Variants in C5 observed in about 807,000 individuals in gnomAD.
C5 encodes the protein C3 and PZP-like alpha-2-macroglobulin domain-containing protein 4.
In C5, 140 loss-of-function variants were observed where a neutral mutation model predicts 218.8. The observed-to-expected ratio is 0.64, with a 90% CI of 0.56 to 0.74. The LOEUF (loss-of-function observed/expected upper bound fraction) is 0.74, where lower values mean the gene tolerates loss of function less well. Ranked by LOEUF, C5 falls within the 30% of genes least tolerant of loss-of-function variation. C5 has a pLI of 0.00. For missense variants in C5, 1,700 were observed against 1,969.6 expected (o/e 0.86, Z 2.59); for synonymous variants, 614 against 682.3 (o/e 0.90, Z 1.56).
At chr9:120,955,372 C>T (rs956925970) in intron 39 of C5, among the ~76,000 whole-genome samples, 16 of 152,110 alleles carry the variant, frequency 1.1e-4, no homozygotes, top group Admixed American at 6.5e-5. Flanking sequence ...GGGAACCATC[C>T]GATGCTATGA....
upstream of C5, chr9:121,050,330 A>C: frequency 9.1e-7 from 1 of 1,097,226 alleles, no homozygotes. Context: ...GAATTCAGAT[A>C]ATCTGGTTAA....
chr9:121,058,506 T>C, the C5 span, among the ~76,000 whole-genome samples: 1 of 152,328 alleles, frequency 6.6e-6, no homozygotes, highest in South Asian at 2.1e-4. Context: ...TAGTGCAATC[T>C]CAGTTCACTG....
chr9:120,992,166 GA>G (rs937353096), intron 22 of C5, among the ~76,000 whole-genome samples: 2 of 152,188 alleles, frequency 1.3e-5, no homozygotes, highest in African/African-American at 4.8e-5. Flanking sequence ...AGATGCTAAA[GA>G]AAAATGAGTC....
chr9:121,070,405 ATATATATATATATATATATATG>A, the C5 span, among the ~76,000 whole-genome samples: 1 of 136,284 alleles, frequency 7.3e-6, no homozygotes, highest in African/African-American at 2.9e-5. Flanking sequence ...ATATATATAT[ATATATATATATATATATATATG>A]TATGTATATT....
chr9:120,960,657 AT>A (rs1322207342), intron 37 of C5, among the ~76,000 whole-genome samples: 1 of 152,116 alleles, frequency 6.6e-6, no homozygotes, highest in Non-Finnish European at 1.5e-5. Context: ...ATATTATGAA[AT>A]TTTTCTTGTG....
chr9:120,999,469 T>C (rs1290572448), intron 20 of C5, among the ~76,000 whole-genome samples: 1 of 152,210 alleles, frequency 6.6e-6, no homozygotes, highest in Admixed American at 6.5e-5. Flanking sequence ...CACAGCTGAA[T>C]AGTGAAGGAA....
chr9:120,997,828 AGT>A, intron 20 of C5, 54 bp from the exon 21 acceptor site: 1 of 1,494,748 alleles, frequency 6.7e-7, no homozygotes, highest in Non-Finnish European at 9.2e-7. Context: ...TTTGAGACAG[AGT>A]CTTGCTATGT....
At position 121,021,584 on chromosome 9, in the gene C5, A is replaced by G. The variant is rs1186399495; in HGVS notation, c.1227T>C (p.Ser409=). 2 of 1,613,870 alleles carry G rather than the reference A, an allele frequency of 1.2e-6. No homozygotes were observed. The highest frequency in any genetic ancestry group is 1.7e-6 in the Non-Finnish European group (2 of 1,179,822). Residue 409 remains serine, a synonymous_variant, in exon 11 of 41, where the codon AGT becomes AGC. Transcript: ENST00000223642. ...CTACTCCATCATCAACACGTGTTAC[A>G]CTTTTGCTTGGATCCAAGTCAGATG... is the stretch of plus-strand genomic sequence containing the variant. ...QETSDLDPSK[S]VTRVDDGVAS...
At chr9:120,994,798 G>A (rs1241896878) in intron 22 of C5, among the ~76,000 whole-genome samples, 1 of 151,886 alleles carries the variant, frequency 6.6e-6, no homozygotes, top group Non-Finnish European at 1.5e-5. Context: ...TCTCTACAGA[G>A]ATTTATTCCC....
chr9:120,964,355 C>G (rs1278681597), intron 33 of C5, among the ~76,000 whole-genome samples: 4 of 152,150 alleles, frequency 2.6e-5, no homozygotes, highest in African/African-American at 9.7e-5. Context: ...GTGGGACACA[C>G]CTGTAATCCT....
At position 120,958,787 on chromosome 9, in the gene C5, A is replaced by C. The variant is rs181956848; in HGVS notation, c.4679-1419T>G. 9.7e-4 allele frequency among the ~76,000 whole-genome samples: 148 copies of C among 152,160 alleles called. 1 individual carries two copies. The highest frequency in any genetic ancestry group is 3.3e-3 in the African/African-American group (135 of 41,526). ...AGCCTCAGTTTCTTCACTGGTAAAT[A>C]GTGATAATACTCTGTTACATTTTTT... On this transcript the variant is annotated intron_variant, in intron 38 of 40. Transcript: ENST00000223642.
chr9:121,042,204 G>A (rs1230229055), intron 3 of C5, among the ~76,000 whole-genome samples: 2 of 152,190 alleles, frequency 1.3e-5, no homozygotes, highest in African/African-American at 4.8e-5. Flanking sequence ...CGGGGGAATG[G>A]AAGGCTTTGC....
intron 17 of C5, among the ~76,000 whole-genome samples, chr9:121,009,447 G>A (rs2047243499): frequency 1.3e-5 from 2 of 152,214 alleles, no homozygotes; most frequent in African/African-American, 2.4e-5. Context: ...CAACACTGAT[G>A]GGAGTTTTGC....
chr9:121,007,937 G>A (rs2047229166), intron 18 of C5, among the ~76,000 whole-genome samples: 1 of 152,194 alleles, frequency 6.6e-6, no homozygotes, highest in Admixed American at 6.5e-5. Flanking sequence ...GAAAACCAGT[G>A]CTTTAAGCCC....
At chr9:121,042,936 A>C in intron 3 of C5, 68 bp downstream of exon 3, 1 of 1,308,752 alleles carries the variant, frequency 7.6e-7, no homozygotes, top group Non-Finnish European at 1.1e-6. Flanking sequence ...AGGTATTAAA[A>C]AGCTCTACAA....
At chr9:121,037,556 C>A (rs1296006570) in intron 4 of C5, among the ~76,000 whole-genome samples, 2 of 152,132 alleles carry the variant, frequency 1.3e-5, no homozygotes, top group Admixed American at 1.3e-4. Context: ...CGTGATCCAC[C>A]TGCCTCGGCC....
chr9:120,989,495 C>T, intron 24 of C5, 73 bp downstream of exon 24: 1 of 1,000,990 alleles, frequency 1.0e-6, no homozygotes, highest in Non-Finnish European at 1.5e-6. Flanking sequence ...TAATTCACAA[C>T]TTAAATATTA....
intron 17 of C5, among the ~76,000 whole-genome samples, chr9:121,010,827 A>G (rs1488005630): frequency 6.6e-6 from 1 of 152,104 alleles, no homozygotes; most frequent in Non-Finnish European, 1.5e-5. Flanking sequence ...AAATCCACAC[A>G]CCTATAGTGA....
intron 20 of C5, among the ~76,000 whole-genome samples, chr9:121,002,230 G>GTATA (rs1268906863): frequency 2.1e-5 from 1 of 47,214 alleles, no homozygotes; most frequent in Non-Finnish European, 5.4e-5. Context: ...ATATATATAT[G>GTATA]TATATATGTA....
Sources: gnomAD v4.1 joint callset for allele counts (sites outside exome capture counted in the v4.1 genomes callset) on GRCh38, gnomAD v4.1.1 for gene constraint, MANE v1.5 for transcripts, NCBI Gene and HGNC (gene_info 2026-07-23, HGNC 2026-07-21) for gene names.